The following ANKRD62 variants were observed in gnomAD, a reference collection of about 807,000 sequenced individuals.
ANKRD62 encodes ankyrin repeat domain 62.
Under a neutral mutation model 98.8 loss-of-function variants are expected in ANKRD62, and 61 were observed. The observed-to-expected ratio is 0.62, with a 90% confidence interval of 0.50 to 0.76. ANKRD62 has a LOEUF of 0.76. ANKRD62 is among the 30% of genes least tolerant of loss of function. The pLI is 0.00. For synonymous variants in ANKRD62, 341 were observed against 367.9 expected (o/e 0.93, Z 0.84); for missense variants, 933 against 1,082.9 (o/e 0.86, Z 1.94).
the ANKRD62 span, among the ~76,000 whole-genome samples, chr18:12,145,556 C>T: frequency 9.2e-3 from 1,399 of 151,964 alleles, 33 homozygotes; most frequent in African/African-American, 0.032. Context: ...TGAAATGAGG[C>T]CAGACTGCTT....
chr18:12,136,682 A>G, the ANKRD62 span, among the ~76,000 whole-genome samples: 1 of 152,134 alleles, frequency 6.6e-6, no homozygotes, highest in Non-Finnish European at 1.5e-5. Context: ...ATCAGCATGG[A>G]ATGTTCTTCC....
the ANKRD62 span, among the ~76,000 whole-genome samples, chr18:12,163,339 G>C: frequency 6.6e-6 from 1 of 151,964 alleles, no homozygotes; most frequent in Non-Finnish European, 1.5e-5. Context: ...ACGGAGTTTT[G>C]TATATTGATT....
chr18:12,125,957 A>G lies in ANKRD62; in HGVS notation c.2136A>G (p.Thr712=), dbSNP rs1909881172. The change falls in exon 13 of 14, where the codon ACA becomes ACG. Residue 712 remains threonine, a synonymous_variant. Coordinates refer to ENST00000587848, the MANE Select transcript of ANKRD62 (RefSeq NM_001277333.2). ...AGCAACTTTCTAAAGCTGAGAGTAC[A>G]TCCAGTGGCCTGGAAACTGAGCTCC... ...LSQQLSKAES[T]SSGLETELHY... 4.6e-6 allele frequency: 7 copies of G among 1,537,838 alleles called. No individual in the cohort carries two copies. In the East Asian group the frequency reaches 1.2e-4, roughly 27 times the overall value.
chr18:12,098,643 A>G (rs1376341420), intron 5 of ANKRD62: 1 of 152,286 alleles, frequency 6.6e-6, no homozygotes, highest in East Asian at 1.9e-4. Context: ...TTTTCATTAC[A>G]AAAACATTGG....
In ANKRD62 at chr18:12,128,833, G is replaced by C. The variant is rs1909946356; in HGVS notation, c.*894G>C. 6.6e-6 allele frequency: 1 copy of C among 152,254 alleles called. No individual in the cohort carries two copies. The highest frequency in any genetic ancestry group is 2.4e-5 in the African/African-American group (1 of 41,456). The allele number at this position is 152,254 out of a possible 1,614,324, so 9.4% of individuals were successfully genotyped here. On this transcript the variant is annotated 3_prime_UTR_variant, in exon 14 of 14. Transcript: ENST00000587848. The stretch of plus-strand genomic sequence containing the variant: ...CAAGCACTTTGGGAGGCTGAAACGG[G>C]TGGATCACCTGAGGTCAGGAGTTTG...
chr18:12,100,376 G>A (rs1311829487), intron 6 of ANKRD62, among the ~76,000 whole-genome samples: 1 of 152,164 alleles, frequency 6.6e-6, no homozygotes, highest in Non-Finnish European at 1.5e-5. Context: ...GAGTCTTCAA[G>A]TTGGCTAGGC....
intron 6 of ANKRD62, chr18:12,101,917 T>A (rs1284977914): frequency 5.2e-6 from 4 of 770,016 alleles, no homozygotes; most frequent in Non-Finnish European, 9.5e-6. Context: ...TCTTCCTTAT[T>A]GTGAGTTGAA....
At chr18:12,171,637 G>A in the ANKRD62 span, among the ~76,000 whole-genome samples, 2 of 152,072 alleles carry the variant, frequency 1.3e-5, no homozygotes, top group Non-Finnish European at 2.9e-5. Flanking sequence ...TCTTCTCGAG[G>A]AGTATCTTTG....
At chr18:12,118,019 C>CCTCCCCTTAGTGGTACAGGTG (rs1400199977) in intron 10 of ANKRD62, among the ~76,000 whole-genome samples, 1 of 152,148 alleles carries the variant, frequency 6.6e-6, no homozygotes, top group East Asian at 1.9e-4. Context: ...TATCAGTAAC[C>CCTCCCCTTAGTGGTACAGGTG]CTCCCCTTAG....
At chr18:12,181,024 G>A in the ANKRD62 span, among the ~76,000 whole-genome samples, 3 of 148,716 alleles carry the variant, frequency 2.0e-5, no homozygotes, top group African/African-American at 2.5e-5. Flanking sequence ...CCACCTATGA[G>A]TGAGAACATG....
chr18:12,107,818 T>C (rs1909449167), intron 8 of ANKRD62, among the ~76,000 whole-genome samples: 2 of 152,312 alleles, frequency 1.3e-5, no homozygotes, highest in South Asian at 4.1e-4. Context: ...GACTAGATTC[T>C]ACAGGAAAAT....
rs745332885 is a variant in ANKRD62 at position 12,099,648 on chromosome 18, CAA to C, written c.787_788del (p.Lys263GlufsTer3). The C allele has an allele frequency of 2.9e-5, 43 of 1,492,316 alleles. No homozygotes were observed. Among genetic ancestry groups the C allele is most frequent in the Non-Finnish European group, 3.7e-5 (41 of 1,123,126 alleles). 92.4% of individuals were successfully genotyped at this position (1,492,316 alleles called of 1,614,324 possible). Reference protein sequence around the residue: ...RGMISEYKANKRCKSLQNSNS... With the variant: ...RGMISEYKANXRCKSLQNSNS... ...GAATGATTTCTGAATATAAAGCAAA[CAA>C]GAGATGTAAAAGTCTTCAAAATAGC... On this transcript the variant is annotated frameshift_variant, in exon 6 of 14. Transcript: ENST00000587848. LOFTEE classifies it high-confidence loss of function.
chr18:12,115,249 C>A, intron 9 of ANKRD62, 128 bp downstream of exon 9: 2 of 1,267,728 alleles, frequency 1.6e-6, no homozygotes, highest in Non-Finnish European at 2.1e-6. Context: ...TTCATAAAAG[C>A]ACCCTTTTAA....
chr18:12,163,356 C>G, the ANKRD62 span, among the ~76,000 whole-genome samples: 2 of 151,904 alleles, frequency 1.3e-5, no homozygotes, highest in Non-Finnish European at 2.9e-5. Context: ...GATTTTGCAC[C>G]CTGCAACTTA....
chr18:12,165,722 G>A, the ANKRD62 span, among the ~76,000 whole-genome samples: 1 of 152,032 alleles, frequency 6.6e-6, no homozygotes, highest in South Asian at 2.1e-4. Context: ...GGGGTTTTGT[G>A]TGTTTACTAT....
chr18:12,095,105 C>T, intron 1 of ANKRD62, 66 bp from the exon 2 acceptor site: 1 of 1,085,232 alleles, frequency 9.2e-7, no homozygotes, highest in Non-Finnish European at 1.4e-6. Flanking sequence ...TTTACAATTG[C>T]ATGCGTCGTT....
intron 6 of ANKRD62, among the ~76,000 whole-genome samples, chr18:12,101,264 A>G (rs1440301415): frequency 6.6e-6 from 1 of 152,224 alleles, no homozygotes; most frequent in African/African-American, 2.4e-5. Flanking sequence ...ATAGTGGGAA[A>G]ATAGCAATGT....
rs771328292 is a variant in ANKRD62, at chr18:12,103,228, G to A, written c.891G>A (p.Gln297=). 2 of 1,337,734 alleles carry A rather than the reference G, an allele frequency of 1.5e-6. No homozygotes were observed. The highest frequency in any genetic ancestry group is 1.9e-6 in the Non-Finnish European group (2 of 1,034,456). 82.9% of individuals were successfully genotyped at this position (1,337,734 alleles called of 1,614,324 possible). A position where few individuals can be genotyped will look rare whatever the true frequency, so the allele number is the denominator to read the frequency against. Reference sequence around the variant, plus strand: ...AAGGATGTGAAAGTAGCCAGCCACAGGTATGTAAAAATTTAATTTCAAATT... The same window carrying A: ...AAGGATGTGAAAGTAGCCAGCCACAAGTATGTAAAAATTTAATTTCAAATT... ...RLEGCESSQP[Q]VEEKMKKCRN... Residue 297 remains glutamine, a splice_region_variant and synonymous_variant, in exon 7 of 14, where the codon CAG becomes CAA. Coordinates refer to ENST00000587848, the MANE Select transcript of ANKRD62 (RefSeq NM_001277333.2).
the ANKRD62 span, among the ~76,000 whole-genome samples, chr18:12,153,983 A>G: frequency 6.6e-6 from 1 of 152,208 alleles, no homozygotes; most frequent in African/African-American, 2.4e-5. Flanking sequence ...TTAGAAGTAA[A>G]ACCAAAAACT....
Sources: gnomAD v4.1 joint callset for allele counts (sites outside exome capture counted in the v4.1 genomes callset) on GRCh38, gnomAD v4.1.1 for gene constraint, MANE v1.5 for transcripts, NCBI Gene and HGNC (gene_info 2026-07-23, HGNC 2026-07-21) for gene names.